DENND1B: variants seen among roughly 807,000 people sequenced by gnomAD.
The protein encoded by DENND1B is DENN domain containing 1B.
In DENND1B, 59 loss-of-function variants were observed where a neutral mutation model predicts 90.1. The ratio of observed to expected loss-of-function variants is 0.65; its 90% CI spans 0.53 to 0.81. The LOEUF (loss-of-function observed/expected upper bound fraction) is 0.81, where lower values mean the gene tolerates loss of function less well. Among genes scored for constraint, DENND1B ranks in the 40% least tolerant of loss-of-function variants. DENND1B has a pLI of 0.00. For missense variants in DENND1B, 862 were observed against 912.6 expected (o/e 0.94, Z 0.71); for synonymous variants, 337 against 324.6 (o/e 1.04, Z -0.41).
rs1371552178 is a variant in DENND1B at position 197,578,533 on chromosome 1, CTG to C, written c.1149+4617_1149+4618del. On this transcript the variant is annotated intron_variant, in intron 15 of 22. Coordinates refer to ENST00000620048, the MANE Select transcript of DENND1B (RefSeq NM_001195215.2). Reference sequence around the variant, plus strand: ...GTGCTGGGATCACCAGCATGAGCCACTGTGCCCGGCCTAAAAAAGTAGATTAT... The same window carrying C: ...GTGCTGGGATCACCAGCATGAGCCACTGCCCGGCCTAAAAAAGTAGATTAT... Among the ~76,000 whole-genome samples the C allele has an allele frequency of 4.6e-5, 7 of 152,250 alleles. No individual in the cohort carries two copies. The East Asian group carries it at 1.2e-3, about 25-fold the overall frequency.
At chr1:197,715,113 A>G (rs1350086155) in intron 2 of DENND1B, 39 bp from the exon 3 acceptor site, 1 of 1,560,966 alleles carries the variant, frequency 6.4e-7, no homozygotes, top group Admixed American at 1.7e-5. Flanking sequence ...CAGCAGCAAA[A>G]GAACACATTT....
intron 2 of DENND1B, among the ~76,000 whole-genome samples, chr1:197,737,302 C>T (rs1279902264): frequency 6.6e-6 from 1 of 152,174 alleles, no homozygotes; most frequent in Non-Finnish European, 1.5e-5. Context: ...CTTTCAGATG[C>T]ATAACAATCA....
chr1:197,573,032 T>A (rs1553292293), intron 15 of DENND1B, among the ~76,000 whole-genome samples: 1 of 152,158 alleles, frequency 6.6e-6, no homozygotes, highest in Non-Finnish European at 1.5e-5. Context: ...TTCTCTCTTT[T>A]TTTCTTTATT....
chr1:197,536,149 A>AT (rs1423054405), intron 20 of DENND1B, among the ~76,000 whole-genome samples: 3 of 114,092 alleles, frequency 2.6e-5, no homozygotes, highest in African/African-American at 1.1e-4. Context: ...TGAGAGAGAG[A>AT]GAGAGAGAGA....
At chr1:197,642,484 T>C (rs1156995766) in intron 10 of DENND1B, among the ~76,000 whole-genome samples, 1 of 152,144 alleles carries the variant, frequency 6.6e-6, no homozygotes, top group African/African-American at 2.4e-5. Context: ...AAAAAAACTC[T>C]CATCTCCTGA....
chr1:197,539,341 C>T (rs1054000387), intron 20 of DENND1B, among the ~76,000 whole-genome samples: 2 of 151,962 alleles, frequency 1.3e-5, no homozygotes, highest in African/African-American at 4.8e-5. Context: ...TTTTTTGAAG[C>T]TAGTTTTCTA....
At chr1:197,594,389 T>C (rs1196196132) in intron 14 of DENND1B, among the ~76,000 whole-genome samples, 1 of 152,128 alleles carries the variant, frequency 6.6e-6, no homozygotes, top group Non-Finnish European at 1.5e-5. Context: ...AGAATTCTCA[T>C]TTTACAAACA....
chr1:197,726,750 C>A (rs1363929996), intron 2 of DENND1B, among the ~76,000 whole-genome samples: 3 of 152,212 alleles, frequency 2.0e-5, no homozygotes, highest in East Asian at 3.9e-4. Context: ...CCAGAAGGTA[C>A]TCAAGAGGTT....
chr1:197,676,287 G>A (rs1012900877), intron 3 of DENND1B, among the ~76,000 whole-genome samples: 7 of 151,916 alleles, frequency 4.6e-5, no homozygotes, highest in African/African-American at 1.5e-4. Context: ...CTTGGAAGGA[G>A]GCATAAAATG....
intron 20 of DENND1B, among the ~76,000 whole-genome samples, chr1:197,539,435 A>AAC (rs1670164374): frequency 6.6e-6 from 1 of 152,182 alleles, no homozygotes; most frequent in Non-Finnish European, 1.5e-5. Flanking sequence ...AAAAACCAGG[A>AAC]ACACTTATAG....
At chr1:197,607,195 T>C in intron 12 of DENND1B, 21 bp from the exon 13 acceptor site, 2 of 1,475,046 alleles carry the variant, frequency 1.4e-6, no homozygotes, top group Non-Finnish European at 9.3e-7. Context: ...AACACAATTA[T>C]GAATACAAAT....
chr1:197,749,952 A>C (rs1403066515), intron 2 of DENND1B, among the ~76,000 whole-genome samples: 1 of 152,070 alleles, frequency 6.6e-6, no homozygotes, highest in East Asian at 1.9e-4. Context: ...GGCTCAAGGA[A>C]TCCTTCCCCT....
intron 11 of DENND1B, among the ~76,000 whole-genome samples, chr1:197,615,527 T>TG (rs1677569497): frequency 6.6e-6 from 1 of 151,042 alleles, no homozygotes; most frequent in African/African-American, 2.4e-5. Context: ...ATTTTTGAAC[T>TG]GGAATATTCA....
chr1:197,660,276 T>G (rs1035663474), intron 5 of DENND1B, among the ~76,000 whole-genome samples: 3 of 152,012 alleles, frequency 2.0e-5, no homozygotes, highest in African/African-American at 7.2e-5. Context: ...ATGGCATGTG[T>G]ATACCTATGT....
chr1:197,583,435 C>T (rs1055273641), intron 14 of DENND1B, among the ~76,000 whole-genome samples, 182 bp from the exon 15 acceptor site: 3 of 152,146 alleles, frequency 2.0e-5, no homozygotes, highest in East Asian at 3.9e-4. Flanking sequence ...CTGTACTACA[C>T]CTTTCTAATC....
chr1:197,647,519 G>A (rs1367106153), intron 7 of DENND1B, among the ~76,000 whole-genome samples: 2 of 152,076 alleles, frequency 1.3e-5, no homozygotes, highest in Non-Finnish European at 2.9e-5. Context: ...GAAGATAAGT[G>A]TCCTAGTCCC....
At chr1:197,769,301 C>T (rs921132344) in intron 2 of DENND1B, among the ~76,000 whole-genome samples, 1 of 152,096 alleles carries the variant, frequency 6.6e-6, no homozygotes, top group Non-Finnish European at 1.5e-5. Flanking sequence ...TTACCTCTAC[C>T]CCACCAATGA....
intron 10 of DENND1B, among the ~76,000 whole-genome samples, chr1:197,622,350 G>A (rs546854654): frequency 1.3e-5 from 2 of 151,352 alleles, no homozygotes; most frequent in South Asian, 4.2e-4. Context: ...AACTGCCCAC[G>A]ATCACAGAGC....
intron 11 of DENND1B, among the ~76,000 whole-genome samples, chr1:197,615,710 AT>A (rs574152060): frequency 6.6e-6 from 1 of 150,940 alleles, no homozygotes; most frequent in African/African-American, 2.4e-5. Flanking sequence ...CTTTAAAAAA[AT>A]AATTATATTA....
Sources: gnomAD v4.1 joint callset for allele counts (sites outside exome capture counted in the v4.1 genomes callset) on GRCh38, gnomAD v4.1.1 for gene constraint, MANE v1.5 for transcripts, NCBI Gene and HGNC (gene_info 2026-07-23, HGNC 2026-07-21) for gene names.